The following VWC2 variants were observed in gnomAD, a reference collection of about 807,000 sequenced individuals.
VWC2 encodes von Willebrand factor C domain containing 2.
A neutral mutation model predicts 29.8 loss-of-function variants in VWC2; 14 were observed. That is an observed-to-expected ratio of 0.47 (90% confidence interval 0.31 to 0.74). VWC2 has a LOEUF of 0.74. Ranked by LOEUF, VWC2 falls within the 30% of genes least tolerant of loss-of-function variation. VWC2 has a pLI of 0.05. For synonymous variants in VWC2, 213 were observed against 199.0 expected (o/e 1.07, Z -0.59); for missense variants, 457 against 459.8 (o/e 0.99, Z 0.05).
intron 3 of VWC2, among the ~76,000 whole-genome samples, chr7:49,851,989 C>T (rs913039533): frequency 2.6e-5 from 4 of 152,244 alleles, no homozygotes; most frequent in Admixed American, 6.5e-5. Context: ...AGATGGCATC[C>T]TCATCCCCTG....
rs999106503 is a variant in VWC2, at chr7:49,918,893, T to C, written c.*6708T>C. ...TGACCAACATGTGAAACCCCATCTC[T>C]ACTAAAAATACAAAAAAATTACCTG... On this transcript the variant is annotated 3_prime_UTR_variant, in exon 4 of 4. Coordinates refer to ENST00000340652, the MANE Select transcript of VWC2 (RefSeq NM_198570.5). 6.6e-6 allele frequency: 1 copy of C among 152,172 alleles called. No homozygotes were observed. Among genetic ancestry groups the C allele is most frequent in the Admixed American group, 6.5e-5 (1 of 15,276 alleles). The allele number at this position is 152,172 out of a possible 1,614,324, so 9.4% of individuals were successfully genotyped here.
intron 3 of VWC2, among the ~76,000 whole-genome samples, chr7:49,810,437 G>A (rs1193103651): frequency 1.3e-5 from 2 of 152,100 alleles, no homozygotes; most frequent in African/African-American, 4.8e-5. Flanking sequence ...AAGACTCAAT[G>A]TTGTCAAGAT....
chr7:49,878,572 T>C (rs1791542295), intron 3 of VWC2, among the ~76,000 whole-genome samples: 1 of 152,180 alleles, frequency 6.6e-6, no homozygotes, highest in Non-Finnish European at 1.5e-5. Context: ...TCGGTCTACT[T>C]TTTGCTCCTT....
intron 3 of VWC2, among the ~76,000 whole-genome samples, chr7:49,860,800 C>T (rs543834133): frequency 6.6e-6 from 1 of 152,150 alleles, no homozygotes; most frequent in South Asian, 2.1e-4. Context: ...GGTTGGTCTC[C>T]CTATAAGAAG....
At chr7:49,855,820 G>T (rs763645474) in intron 3 of VWC2, among the ~76,000 whole-genome samples, 1 of 152,156 alleles carries the variant, frequency 6.6e-6, no homozygotes, top group African/African-American at 2.4e-5. Context: ...GGTGGCTGAC[G>T]GTGCACGTTA....
At chr7:49,789,924 G>GC (rs1788426907) in intron 2 of VWC2, among the ~76,000 whole-genome samples, 2 of 152,228 alleles carry the variant, frequency 1.3e-5, no homozygotes, top group Admixed American at 1.3e-4. Flanking sequence ...GGGCCCTACG[G>GC]CCCCTTGGCT....
rs1788033934 is a variant in VWC2 at position 49,775,621 on chromosome 7, C to T, written c.186C>T (p.Leu62=). ...SRDGPGRVNE[L]GRPARDEGGS... ...ACGGCCCGGGGCGGGTGAACGAGCT[C>T]GGGCGCCCGGCGAGGGACGAGGGCG... Residue 62 remains leucine, a synonymous_variant, in exon 2 of 4, where the codon CTC becomes CTT. Transcript: ENST00000340652. The T allele has an allele frequency of 6.5e-7, 1 of 1,530,084 alleles. No individual in the cohort carries two copies. 94.8% of individuals were successfully genotyped at this position (1,530,084 alleles called of 1,614,324 possible).
chr7:49,864,137 T>G (rs1413934206), intron 3 of VWC2, among the ~76,000 whole-genome samples: 1 of 152,174 alleles, frequency 6.6e-6, no homozygotes, highest in Non-Finnish European at 1.5e-5. Flanking sequence ...TTCTTAACTA[T>G]TTTTCAGACT....
chr7:49,833,832 C>T (rs926139599), intron 3 of VWC2, among the ~76,000 whole-genome samples: 2 of 152,054 alleles, frequency 1.3e-5, no homozygotes, highest in African/African-American at 2.4e-5. Flanking sequence ...AACTTACCAT[C>T]GTAACTTATA....
chr7:49,861,198 C>A (rs1312709862), intron 3 of VWC2, among the ~76,000 whole-genome samples: 1 of 152,154 alleles, frequency 6.6e-6, no homozygotes, highest in African/African-American at 2.4e-5. Context: ...ATTGCTATAA[C>A]CATCTTAGTA....
chr7:49,813,368 C>A (rs2128707839), intron 3 of VWC2, among the ~76,000 whole-genome samples: 1 of 152,346 alleles, frequency 6.6e-6, no homozygotes, highest in African/African-American at 2.4e-5. Flanking sequence ...CTTTGGGGAC[C>A]CATCCCTAGA....
intron 2 of VWC2, among the ~76,000 whole-genome samples, chr7:49,801,830 C>G (rs1335176344): frequency 6.6e-6 from 1 of 152,240 alleles, no homozygotes; most frequent in Admixed American, 6.5e-5. Flanking sequence ...AATTTGAGTA[C>G]GTGTATTTTA....
intron 3 of VWC2, among the ~76,000 whole-genome samples, chr7:49,872,931 A>G (rs1365294079): frequency 6.7e-6 from 1 of 149,442 alleles, no homozygotes; most frequent in Admixed American, 6.7e-5. Flanking sequence ...AAAAAAAAAA[A>G]AAAAAAGAAA....
At chr7:49,886,078 G>A (rs1263982365) in intron 3 of VWC2, among the ~76,000 whole-genome samples, 1 of 152,216 alleles carries the variant, frequency 6.6e-6, no homozygotes, top group Non-Finnish European at 1.5e-5. Context: ...TAGGGGAGAG[G>A]TCCAGACTGG....
chr7:49,888,312 G>T (rs573419900), intron 3 of VWC2, among the ~76,000 whole-genome samples: 2 of 151,930 alleles, frequency 1.3e-5, no homozygotes, highest in African/African-American at 4.8e-5. Flanking sequence ...GGTATTTGTC[G>T]ATTTTGTTAA....
At chr7:49,898,443 G>T (rs910585146) in intron 3 of VWC2, among the ~76,000 whole-genome samples, 7 of 151,714 alleles carry the variant, frequency 4.6e-5, no homozygotes, top group Non-Finnish European at 1.0e-4. Context: ...TGTAAGGGTG[G>T]TCTACTAACC....
Position 49,919,476 on chromosome 7 carries a change from A to G in VWC2, c.*7291A>G, listed in dbSNP as rs1327246812. 6.6e-6 allele frequency: 1 copy of G among 152,214 alleles called. No homozygotes were observed. 9.4% of individuals were successfully genotyped at this position (152,214 alleles called of 1,614,324 possible). A position where few individuals can be genotyped will look rare whatever the true frequency, so the allele number is the denominator to read the frequency against. On this transcript the variant is annotated 3_prime_UTR_variant, in exon 4 of 4. Coordinates refer to ENST00000340652, the MANE Select transcript of VWC2 (RefSeq NM_198570.5). ...GATAAAATTATGAAGTTACCATTGT[A>G]TGTTCCAATGACATAAAAAACTAAG...
chr7:49,894,518 G>T (rs1037500670), intron 3 of VWC2, among the ~76,000 whole-genome samples: 1 of 152,198 alleles, frequency 6.6e-6, no homozygotes, highest in African/African-American at 2.4e-5. Flanking sequence ...CACCAACTCA[G>T]CTGTGATACT....
chr7:49,809,655 C>A (rs1788955245), intron 3 of VWC2, among the ~76,000 whole-genome samples: 1 of 151,914 alleles, frequency 6.6e-6, no homozygotes, highest in African/African-American at 2.4e-5. Context: ...AATACAGCAC[C>A]ATATAAAGAA....
Sources: allele counts gnomAD v4.1 joint callset (sites outside exome capture counted in the v4.1 genomes callset), GRCh38; gene constraint gnomAD v4.1.1; transcripts MANE v1.5; gene names NCBI Gene and HGNC (gene_info 2026-07-23, HGNC 2026-07-21).